The following PREX2 variants were observed in gnomAD, a reference collection of about 807,000 sequenced individuals.
PREX2 encodes the protein phosphatidylinositol 3,4,5-trisphosphate-dependent Rac exchanger 2 protein.
A neutral mutation model predicts 203.2 loss-of-function variants in PREX2; 107 were observed. The ratio of observed to expected loss-of-function variants is 0.53; its 90% CI spans 0.45 to 0.62. PREX2 has a LOEUF of 0.62. Ranked by LOEUF, PREX2 falls within the 20% of genes least tolerant of loss-of-function variation. The pLI, the probability that PREX2 is intolerant of heterozygous loss-of-function variation, is 0.00. For synonymous variants in PREX2, 672 were observed against 663.6 expected, an observed-to-expected ratio of 1.01 and a Z score of -0.19; for missense variants, 1,777 against 1,955.9, an observed-to-expected ratio of 0.91 and a Z score of 1.72.
chr8:68,161,849 A>G (rs565815594), intron 35 of PREX2, among the ~76,000 whole-genome samples: 1 of 152,338 alleles, frequency 6.6e-6, no homozygotes, highest in South Asian at 2.1e-4. Flanking sequence ...CTGCTAATAA[A>G]GACATACCCA....
intron 1 of PREX2, among the ~76,000 whole-genome samples, chr8:67,992,745 T>A (rs1806645831): frequency 6.6e-6 from 1 of 152,220 alleles, no homozygotes; most frequent in African/African-American, 2.4e-5. Flanking sequence ...CTATAGCCTC[T>A]GTAGCAACGG....
intron 4 of PREX2, 77 bp downstream of exon 4, chr8:68,022,217 A>G (rs1415805575): frequency 5.3e-6 from 4 of 757,084 alleles, no homozygotes; most frequent in African/African-American, 3.5e-5. Context: ...TAGCATCAAT[A>G]TGGAGTAAAA....
At chr8:68,058,497 G>C (rs773395378) in intron 10 of PREX2, among the ~76,000 whole-genome samples, 1 of 151,740 alleles carries the variant, frequency 6.6e-6, no homozygotes, top group South Asian at 2.1e-4. Flanking sequence ...GCAGTGGCAC[G>C]ATCTCAGCTC....
chr8:68,178,796 A>G (rs1029407958), intron 35 of PREX2, among the ~76,000 whole-genome samples: 8 of 152,162 alleles, frequency 5.3e-5, no homozygotes, highest in African/African-American at 1.7e-4. Context: ...AACAAATCTC[A>G]TAGAGATATG....
chr8:68,198,250 G>T (rs1046672754), intron 37 of PREX2, among the ~76,000 whole-genome samples: 1 of 151,982 alleles, frequency 6.6e-6, no homozygotes, highest in Non-Finnish European at 1.5e-5. Flanking sequence ...TCTTTAATTT[G>T]TCCTTTTTTG....
At chr8:68,105,665 AC>A in intron 23 of PREX2, 1 of 504,428 alleles carries the variant, frequency 2.0e-6, no homozygotes, top group Non-Finnish European at 2.2e-6. Context: ...TAAATGACAG[AC>A]CATATATATA....
chr8:68,080,473 C>T lies in PREX2; in HGVS notation c.1673C>T (p.Pro558Leu), dbSNP rs2129611897. The T allele has an allele frequency of 1.2e-6, 2 of 1,611,176 alleles. No individual in the cohort carries two copies. Among genetic ancestry groups the T allele is most frequent in the Non-Finnish European group, 1.7e-6 (2 of 1,178,614 alleles). The change falls in exon 16 of 40, where the codon CCC becomes CTC. Residue 558 changes from proline to leucine, a missense_variant. Coordinates refer to ENST00000288368, the MANE Select transcript of PREX2 (RefSeq NM_024870.4). ...VLEKSEFKDE[P>L]LLFRFFSDEE... ...GAAAAAAGCGAATTCAAAGATGAAC[C>T]CCTACTTTTCCGTTTTTTTTCGGAT...
At chr8:68,173,440 T>C (rs1340992713) in intron 35 of PREX2, among the ~76,000 whole-genome samples, 1 of 152,172 alleles carries the variant, frequency 6.6e-6, no homozygotes, top group Non-Finnish European at 1.5e-5. Flanking sequence ...TATAATTCTA[T>C]GAAACCTTGC....
At chr8:68,102,674 C>T in intron 23 of PREX2, 1 of 344,808 alleles carries the variant, frequency 2.9e-6, no homozygotes, top group East Asian at 7.4e-5. Flanking sequence ...AAAATGTATC[C>T]ATAGAAACTA....
chr8:68,060,570 C>A, intron 10 of PREX2, 109 bp from the exon 11 acceptor site: 5 of 696,750 alleles, frequency 7.2e-6, no homozygotes, highest in Admixed American at 5.6e-5. Flanking sequence ...GCAAATATTC[C>A]TTTATATTTT....
intron 20 of PREX2, among the ~76,000 whole-genome samples, chr8:68,091,992 C>T (rs547686048): frequency 1.6e-4 from 25 of 152,160 alleles, no homozygotes; most frequent in East Asian, 1.2e-3. Context: ...ATGGGGCGGC[C>T]GTGGGGTGGT....
At chr8:68,088,189 C>T (rs1809760634) in intron 19 of PREX2, among the ~76,000 whole-genome samples, 1 of 152,062 alleles carries the variant, frequency 6.6e-6, no homozygotes, top group African/African-American at 2.4e-5. Context: ...ACTTTATAAC[C>T]TATTGCTATA....
At chr8:68,181,472 C>T (rs1812084219) in intron 35 of PREX2, among the ~76,000 whole-genome samples, 1 of 152,118 alleles carries the variant, frequency 6.6e-6, no homozygotes, top group Admixed American at 6.6e-5. Context: ...CAATTCCATA[C>T]TGCTTCAGTT....
intron 31 of PREX2, among the ~76,000 whole-genome samples, chr8:68,129,269 A>T (rs1252485838): frequency 6.6e-6 from 1 of 152,134 alleles, no homozygotes; most frequent in East Asian, 1.9e-4. Context: ...CCAATTCCGG[A>T]GGTGATTCTG....
chr8:68,056,454 A>G (rs893303764), intron 10 of PREX2, among the ~76,000 whole-genome samples: 3 of 152,200 alleles, frequency 2.0e-5, no homozygotes, highest in Admixed American at 1.3e-4. Flanking sequence ...TCATGTGAAG[A>G]GACAGGCAGC....
At chr8:68,165,249 T>G (rs1004628625) in intron 35 of PREX2, among the ~76,000 whole-genome samples, 3 of 152,094 alleles carry the variant, frequency 2.0e-5, no homozygotes, top group African/African-American at 7.2e-5. Context: ...CGGATCTACA[T>G]GTTTATAATC....
At chr8:67,986,783 T>C (rs1419606569) in intron 1 of PREX2, among the ~76,000 whole-genome samples, 1 of 152,154 alleles carries the variant, frequency 6.6e-6, no homozygotes, top group Non-Finnish European at 1.5e-5. Flanking sequence ...TCTCTAGGAC[T>C]CTTTTTGGCT....
chr8:68,205,804 C>T lies in PREX2; in HGVS notation c.4605-11812C>T, dbSNP rs182318922. 1.7e-4 allele frequency among the ~76,000 whole-genome samples: 26 copies of T among 152,244 alleles called. 1 individual carries two copies. The highest frequency in any genetic ancestry group is 6.3e-4 in the African/African-American group (26 of 41,556). On this transcript the variant is annotated intron_variant, in intron 37 of 39. Coordinates refer to ENST00000288368, the MANE Select transcript of PREX2 (RefSeq NM_024870.4). ...GAACGGTGCATTTTATGCAGAAAAA[C>T]GCAAATCTTTAGTCAAGAAGGAACA...
At chr8:68,182,054 A>T (rs906417638) in intron 35 of PREX2, among the ~76,000 whole-genome samples, 1 of 152,114 alleles carries the variant, frequency 6.6e-6, no homozygotes, top group Non-Finnish European at 1.5e-5. Context: ...GTGGAAGATG[A>T]GTCTGGAAGA....
Sources: allele counts gnomAD v4.1 joint callset (sites outside exome capture counted in the v4.1 genomes callset), GRCh38; gene constraint gnomAD v4.1.1; transcripts MANE v1.5; gene names NCBI Gene and HGNC (gene_info 2026-07-23, HGNC 2026-07-21).